TRPC3: variants seen among roughly 807,000 people sequenced by gnomAD.
The protein encoded by TRPC3 is transient receptor potential cation channel subfamily C member 3, also known as short transient receptor potential channel 3.
A neutral mutation model predicts 90.9 loss-of-function variants in TRPC3; 54 were observed. The observed-to-expected ratio is 0.59, with a 90% CI of 0.48 to 0.75. The LOEUF (loss-of-function observed/expected upper bound fraction) is 0.75, where lower values mean the gene tolerates loss of function less well. Among genes scored for constraint, TRPC3 ranks in the 30% least tolerant of loss-of-function variants. The pLI is 0.00. For missense variants in TRPC3, 918 were observed against 1,194.5 expected (o/e 0.77, Z 3.41); for synonymous variants, 424 against 450.9 (o/e 0.94, Z 0.75).
chr4:121,879,874 T>C lies in TRPC3; in HGVS notation c.2628A>G (p.Glu876=). The C allele has an allele frequency of 6.3e-7, 1 of 1,588,948 alleles. No individual in the cohort carries two copies. Residue 876 remains glutamate, a synonymous_variant, in exon 12 of 12, where the codon GAA becomes GAG. Coordinates refer to ENST00000379645, the MANE Select transcript of TRPC3 (RefSeq NM_001130698.2). ...AGATATCTTGCTTGATTTCTTTTAA[T>C]TCACCTATAGTATTGATATTAAAAA... ...DKENDEVNEG[E]LKEIKQDISS...
Position 121,951,419 on chromosome 4 carries a change from C to A in TRPC3, c.215+47G>T. 8.7e-7 allele frequency: 1 copy of A among 1,154,868 alleles called. No homozygotes were observed. Among genetic ancestry groups the A allele is most frequent in the Non-Finnish European group, 1.1e-6 (1 of 935,780 alleles). The allele number at this position is 1,154,868 out of a possible 1,614,324, so 71.5% of individuals were successfully genotyped here. A position where few individuals can be genotyped will look rare whatever the true frequency, so the allele number is the denominator to read the frequency against. ...GGCGCGCGCCTTCCCGCCCCCCGCC[C>A]GGCACCGCCCTCCGAGGCGCGGGCC... On this transcript the variant is annotated intron_variant, in intron 1 of 11. Transcript: ENST00000379645. This position sits in a 1 kb window ranked among gnomAD's most constrained non-coding sequence, Gnocchi z 4.4.
At chr4:121,903,892 C>T (rs1233646599) in intron 8 of TRPC3, among the ~76,000 whole-genome samples, 1 of 152,018 alleles carries the variant, frequency 6.6e-6, no homozygotes, top group African/African-American at 2.4e-5. Flanking sequence ...CAAACCCAGC[C>T]CAATCCAAAA....
chr4:121,933,869 T>C (rs554474414), intron 1 of TRPC3, among the ~76,000 whole-genome samples: 46 of 152,354 alleles, frequency 3.0e-4, no homozygotes, highest in Admixed American at 2.2e-3. Flanking sequence ...TTAGCAATTA[T>C]AAAATTTGAG....
intron 5 of TRPC3, 43 bp from the exon 6 acceptor site, chr4:121,910,430 C>T (rs202174510): frequency 2.0e-6 from 3 of 1,518,340 alleles, no homozygotes; most frequent in Non-Finnish European, 2.7e-6. Context: ...ATTTTACAGG[C>T]CAGACTGAGA....
chr4:121,918,914 T>C (rs1433972054), intron 3 of TRPC3, among the ~76,000 whole-genome samples: 1 of 152,224 alleles, frequency 6.6e-6, no homozygotes, highest in African/African-American at 2.4e-5. Context: ...CAGTGACCTT[T>C]ATACCTGAAA....
At chr4:121,885,552 T>G (rs1454631343) in intron 10 of TRPC3, among the ~76,000 whole-genome samples, 5 of 152,170 alleles carry the variant, frequency 3.3e-5, no homozygotes, top group African/African-American at 1.2e-4. Context: ...AGACAATACA[T>G]GTAAATTACA....
chr4:121,945,763 C>T (rs1730465400), intron 1 of TRPC3, among the ~76,000 whole-genome samples: 2 of 152,126 alleles, frequency 1.3e-5, no homozygotes, highest in South Asian at 4.1e-4. Flanking sequence ...CAGAAATGCT[C>T]TAGACGTGGG....
At position 121,904,172 on chromosome 4, in the gene TRPC3, G is replaced by A. The variant is rs1018645179; in HGVS notation, c.2253+150C>T. 3.8e-5 allele frequency: 24 copies of A among 633,216 alleles called. 1 individual carries two copies. Among genetic ancestry groups the A allele is most frequent in the Admixed American group, 3.9e-5 (1 of 25,928 alleles). 39.2% of individuals were successfully genotyped at this position (633,216 alleles called of 1,614,324 possible). Reference sequence around the variant, plus strand: ...CAGAATGTGTAGAGCTATCTATCCAGGTAGAAAACACAGGGAAAGGCTCAG... The same window carrying A: ...CAGAATGTGTAGAGCTATCTATCCAAGTAGAAAACACAGGGAAAGGCTCAG... On this transcript the variant is annotated intron_variant, in intron 8 of 11. Transcript: ENST00000379645.
chr4:121,920,727 G>C (rs1170777826), intron 3 of TRPC3, among the ~76,000 whole-genome samples: 1 of 152,098 alleles, frequency 6.6e-6, no homozygotes, highest in African/African-American at 2.4e-5. Flanking sequence ...TTTTAAATAT[G>C]CATGTTAGCC....
At chr4:121,940,498 C>T (rs1468297069) in intron 1 of TRPC3, among the ~76,000 whole-genome samples, 1 of 152,184 alleles carries the variant, frequency 6.6e-6, no homozygotes, top group African/African-American at 2.4e-5. Flanking sequence ...TTACACCTAC[C>T]TCCAGGATGT....
chr4:121,915,485 C>T (rs912224966), intron 3 of TRPC3, among the ~76,000 whole-genome samples: 3 of 152,186 alleles, frequency 2.0e-5, no homozygotes, highest in African/African-American at 7.2e-5. Flanking sequence ...GAAAAATAAT[C>T]AATTGAACTT....
intron 1 of TRPC3, among the ~76,000 whole-genome samples, chr4:121,940,448 G>GT (rs1323980098): frequency 6.6e-6 from 1 of 152,174 alleles, no homozygotes; most frequent in Non-Finnish European, 1.5e-5. Flanking sequence ...GGAGCTACAC[G>GT]TTGCTGCCCA....
At chr4:121,879,902 T>G (rs778760572) in intron 11 of TRPC3, 24 bp from the exon 12 acceptor site, 1 of 1,513,382 alleles carries the variant, frequency 6.6e-7, no homozygotes, top group Non-Finnish European at 8.8e-7. Context: ...ATTAAAAAAT[T>G]ATTGGTAAGT....
intron 3 of TRPC3, among the ~76,000 whole-genome samples, chr4:121,915,769 C>T (rs1729292950): frequency 2.0e-5 from 3 of 152,116 alleles, no homozygotes; most frequent in Non-Finnish European, 4.4e-5. Context: ...TTCTTTAAAG[C>T]CCTGTTCTTA....
chr4:121,903,004 C>A lies in TRPC3; in HGVS notation c.2311G>T (p.Asp771Tyr). ...ARSKLWLSYF[D>Y]DGKTLPPPFS... ...GGTGGAGGTAATGTTTTTCCATCAT[C>A]AAAATAGGATAACCAAAGTTTTGAA... Residue 771 changes from aspartate to tyrosine, a missense_variant, in exon 9 of 12, where the codon GAT (aspartate) becomes TAT (tyrosine). By Grantham distance (160) the Asp-to-Tyr change is radical. Around this residue, in one of 4 missense-constraint regions of TRPC3, gnomAD observed 121 missense variants for 135.7 expected, o/e 0.89. Transcript: ENST00000379645. 1 of 1,613,306 alleles carries A rather than the reference C, an allele frequency of 6.2e-7. No homozygotes were observed. Among genetic ancestry groups the A allele is most frequent in the Non-Finnish European group, 8.5e-7 (1 of 1,179,676 alleles).
rs963671115 is a variant in TRPC3, at chr4:121,945,785, G to T, written c.215+5681C>A. Among the ~76,000 whole-genome samples the T allele has an allele frequency of 2.0e-5, 3 of 152,100 alleles. No homozygotes were observed. In the East Asian group the frequency reaches 5.8e-4, roughly 29 times the overall value. ...GCTCTAGACGTGGGGATACCAGGGG[G>T]GCAGGAACTAGGAACAGGGGGACTC... On this transcript the variant is annotated intron_variant, in intron 1 of 11. Coordinates refer to ENST00000379645, the MANE Select transcript of TRPC3 (RefSeq NM_001130698.2).
At chr4:121,905,123 G>GA (rs1211444295) in intron 7 of TRPC3, among the ~76,000 whole-genome samples, 2 of 151,764 alleles carry the variant, frequency 1.3e-5, no homozygotes, top group South Asian at 2.1e-4. Context: ...TACAGTAAAT[G>GA]AAAAAATAAG....
chr4:121,931,244 C>T (rs1424067301), intron 2 of TRPC3, among the ~76,000 whole-genome samples: 1 of 152,168 alleles, frequency 6.6e-6, no homozygotes, highest in South Asian at 2.1e-4. Flanking sequence ...AGAATAATCA[C>T]TTTTTCTGTG....
At position 121,951,447 on chromosome 4, in the gene TRPC3, G is replaced by T; in HGVS notation, c.215+19C>A. ...CACCGCCCTCCGAGGCGCGGGCCGC[G>T]GCCGGGCCCGGTACTCACAGGTCCG... On this transcript the variant is annotated intron_variant, in intron 1 of 11. Coordinates refer to ENST00000379645, the MANE Select transcript of TRPC3 (RefSeq NM_001130698.2). The surrounding 1 kb of genome is among the most constrained non-coding windows in gnomAD (Gnocchi z 4.4). 8.3e-7 allele frequency: 1 copy of T among 1,198,310 alleles called. No homozygotes were observed. The highest frequency in any genetic ancestry group is 4.2e-5 in the South Asian group (1 of 24,034). 74.2% of individuals were successfully genotyped at this position (1,198,310 alleles called of 1,614,324 possible). A position where few individuals can be genotyped will look rare whatever the true frequency, so the allele number is the denominator to read the frequency against.
Sources: gnomAD v4.1 joint callset for allele counts (sites outside exome capture counted in the v4.1 genomes callset) on GRCh38, gnomAD v4.1.1 for gene constraint, gnomAD v4.1.1 regional missense constraint, Gnocchi (gnomAD v3.1) non-coding constraint, MANE v1.5 for transcripts, NCBI Gene and HGNC (gene_info 2026-07-23, HGNC 2026-07-21) for gene names.